FBXL4: variants seen among roughly 807,000 people sequenced by gnomAD.
The protein encoded by FBXL4 is F-box/LRR-repeat protein 4.
Under a neutral mutation model 58.9 loss-of-function variants are expected in FBXL4, and 40 were observed. The observed-to-expected ratio is 0.68, with a 90% CI of 0.53 to 0.88. The LOEUF (loss-of-function observed/expected upper bound fraction) is 0.88. Ranked by LOEUF, FBXL4 falls within the 40% of genes least tolerant of loss-of-function variation. FBXL4 has a pLI of 0.00. For synonymous variants in FBXL4, 263 were observed against 265.5 expected, an observed-to-expected ratio of 0.99 and a Z score of 0.09; for missense variants, 676 against 734.4, an observed-to-expected ratio of 0.92 and a Z score of 0.92.
chr6:98,882,426 G>A (rs1329981189), intron 7 of FBXL4, among the ~76,000 whole-genome samples: 2 of 151,872 alleles, frequency 1.3e-5, no homozygotes, highest in African/African-American at 4.8e-5. Context: ...ATGGTATTAC[G>A]ATGTGAATAT....
chr6:98,900,546 T>G (rs1182785894), intron 6 of FBXL4, among the ~76,000 whole-genome samples: 1 of 152,158 alleles, frequency 6.6e-6, no homozygotes, highest in Non-Finnish European at 1.5e-5. Context: ...TCTACTCAAG[T>G]CTTAGCATTT....
intron 4 of FBXL4, among the ~76,000 whole-genome samples, chr6:98,922,084 C>T (rs1045434265): frequency 2.0e-5 from 3 of 152,152 alleles, no homozygotes; most frequent in South Asian, 2.1e-4. Context: ...CCCGCCACCA[C>T]GCCTGGCTAA....
At chr6:98,913,486 A>G (rs1167907331) in intron 5 of FBXL4, among the ~76,000 whole-genome samples, 7 of 152,228 alleles carry the variant, frequency 4.6e-5, no homozygotes, top group Non-Finnish European at 1.0e-4. Flanking sequence ...CAGTGCAATC[A>G]AACTAGAACT....
At position 98,872,500 on chromosome 6, in the gene FBXL4, T is replaced by C. The variant is rs1217875871; in HGVS notation, c.*1778A>G. The stretch of plus-strand genomic sequence containing the variant: ...ACGAAACATTAACTTTGATCCTCCC[T>C]GTAAATATTTAATTCTTTTCATTAG... On this transcript the variant is annotated 3_prime_UTR_variant, in exon 10 of 10. Transcript: ENST00000369244. 1 of 152,226 alleles carries C rather than the reference T, an allele frequency of 6.6e-6. No homozygotes were observed. The highest frequency in any genetic ancestry group is 2.4e-5 in the African/African-American group (1 of 41,470). The allele number at this position is 152,226 out of a possible 1,614,324, so 9.4% of individuals were successfully genotyped here. A position where few individuals can be genotyped will look rare whatever the true frequency, so the allele number is the denominator to read the frequency against.
In FBXL4 at chr6:98,917,642, T is replaced by G. The variant is rs768342478; in HGVS notation, c.590A>C (p.Gln197Pro). The change falls in exon 5 of 10, where the codon CAG becomes CCG. Residue 197 changes from glutamine to proline, a missense_variant. Gln to Pro is a moderately conservative substitution (Grantham distance 76, BLOSUM62 -1). Transcript: ENST00000369244. ...TATAAGATTTGTGGGGAAATTTATCTGCTTAATACAAGGTTTAAACTGGCG... is the reference window on the plus strand; with the variant it reads ...TATAAGATTTGTGGGGAAATTTATCGGCTTAATACAAGGTTTAAACTGGCG... ...QARQFKPCIKQINFPTNLIRL... is the reference protein window; with the variant it reads ...QARQFKPCIKPINFPTNLIRL... 3.7e-6 allele frequency: 6 copies of G among 1,613,986 alleles called. No individual in the cohort carries two copies. In the South Asian group the frequency reaches 6.6e-5, roughly 18 times the overall value.
In FBXL4 at chr6:98,905,576, A is replaced by T; in HGVS notation, c.953T>A (p.Leu318Gln). The T allele has an allele frequency of 6.2e-7, 1 of 1,613,994 alleles. No individual in the cohort carries two copies. The highest frequency in any genetic ancestry group is 1.7e-5 in the Admixed American group (1 of 59,994). Reference protein sequence around the residue: ...KLLSQHCCDPLQYIHLNLQPY... With the variant: ...KLLSQHCCDPQQYIHLNLQPY... ...TTGCAGATTGAGGTGGATGTATTGC[A>T]GAGGATCACAGCAATGCTGGCTCAG... Residue 318 changes from leucine to glutamine, a missense_variant, in exon 6 of 10, where the codon CTG becomes CAG. Transcript: ENST00000369244.
At chr6:98,945,171 C>T (rs1047694599) in intron 1 of FBXL4, among the ~76,000 whole-genome samples, 1 of 152,088 alleles carries the variant, frequency 6.6e-6, no homozygotes, top group African/African-American at 2.4e-5. Flanking sequence ...AGGAAATGAA[C>T]TAACATGCAA....
intron 6 of FBXL4, among the ~76,000 whole-genome samples, chr6:98,901,547 T>C (rs550306595): frequency 6.6e-6 from 1 of 152,304 alleles, no homozygotes; most frequent in Non-Finnish European, 1.5e-5. Flanking sequence ...ATAAAGTCTA[T>C]ACCTATACTA....
At chr6:98,941,768 A>G (rs547808828) in intron 1 of FBXL4, among the ~76,000 whole-genome samples, 1 of 152,198 alleles carries the variant, frequency 6.6e-6, no homozygotes, top group Non-Finnish European at 1.5e-5. Context: ...ATATGTCTGA[A>G]TAGAATTAAC....
chr6:98,871,246 CT>C lies in FBXL4; in HGVS notation c.*3031del, dbSNP rs58165033. The C allele has an allele frequency of 5.8e-4, 88 of 152,268 alleles. No homozygotes were observed. Among genetic ancestry groups the C allele is most frequent in the African/African-American group, 2.1e-3 (86 of 41,564 alleles). 9.4% of individuals were successfully genotyped at this position (152,268 alleles called of 1,614,324 possible). A position where few individuals can be genotyped will look rare whatever the true frequency, so the allele number is the denominator to read the frequency against. ...GTAAACTTAAGACTATTAAATTAGCCTTTTGGCAAGAATGGTTGCTTAAAGA... is the reference window on the plus strand; with the variant it reads ...GTAAACTTAAGACTATTAAATTAGCCTTTGGCAAGAATGGTTGCTTAAAGA... On this transcript the variant is annotated 3_prime_UTR_variant, in exon 10 of 10. Coordinates refer to ENST00000369244, the MANE Select transcript of FBXL4 (RefSeq NM_001278716.2).
intron 1 of FBXL4, among the ~76,000 whole-genome samples, chr6:98,947,600 AG>A: frequency 6.6e-6 from 1 of 152,088 alleles, no homozygotes; most frequent in Non-Finnish European, 1.5e-5. Flanking sequence ...GCAGTTCTCA[AG>A]GGCCCCAGCA....
intron 5 of FBXL4, among the ~76,000 whole-genome samples, chr6:98,915,356 CA>C (rs1244107505): frequency 6.6e-6 from 1 of 152,118 alleles, no homozygotes; most frequent in African/African-American, 2.4e-5. Context: ...GAGCCCACAT[CA>C]CCAAGTCAAT....
rs1772420357 is a variant in FBXL4, at chr6:98,917,675, G to A, written c.557C>T (p.Ser186Phe). Residue 186 changes from serine (S) to phenylalanine (F), a missense_variant, in exon 5 of 10, where the codon TCC (serine) becomes TTC (phenylalanine). Transcript: ENST00000369244. ...WSERPTKVNA[S>F]QARQFKPCIK... ...ACAAGGTTTAAACTGGCGAGCTTGG[G>A]AAGCATTCACCTTCGTAGGTCTCTC... 1 of 1,612,880 alleles carries A rather than the reference G, an allele frequency of 6.2e-7. No homozygotes were observed. Among genetic ancestry groups the A allele is most frequent in the African/African-American group, 1.3e-5 (1 of 74,868 alleles).
At chr6:98,898,391 G>GT in intron 7 of FBXL4, 1 of 985,406 alleles carries the variant, frequency 1.0e-6, no homozygotes, top group Non-Finnish European at 1.2e-6. Context: ...AGCAGTAATA[G>GT]TAAGTATGTG....
chr6:98,916,108 C>T (rs1185943462), intron 5 of FBXL4, among the ~76,000 whole-genome samples: 1 of 151,958 alleles, frequency 6.6e-6, no homozygotes, highest in African/African-American at 2.4e-5. Context: ...AAATCAAAAC[C>T]ACAATGAGAT....
chr6:98,941,373 G>C (rs1015987384), intron 1 of FBXL4, among the ~76,000 whole-genome samples: 1 of 151,446 alleles, frequency 6.6e-6, no homozygotes, highest in Non-Finnish European at 1.5e-5. Context: ...AAATAGGAAA[G>C]GCAGATAAAT....
intron 1 of FBXL4, among the ~76,000 whole-genome samples, chr6:98,947,421 C>A (rs1031333126): frequency 3.9e-5 from 6 of 152,248 alleles, no homozygotes; most frequent in Non-Finnish European, 8.8e-5. Context: ...GAATCACAAG[C>A]ACAGGCGGGC....
At chr6:98,898,578 C>T in intron 7 of FBXL4, 1 of 946,338 alleles carries the variant, frequency 1.1e-6, no homozygotes, top group Non-Finnish European at 1.3e-6. Flanking sequence ...GCACTCCAGC[C>T]TGGGCAACAG....
chr6:98,896,871 T>C (rs1295008298), intron 7 of FBXL4: 2 of 985,012 alleles, frequency 2.0e-6, no homozygotes, highest in African/African-American at 3.5e-5. Context: ...ATATGAAATC[T>C]TCTTAATCCT....
Sources: gnomAD v4.1 joint callset for allele counts (sites outside exome capture counted in the v4.1 genomes callset) on GRCh38, gnomAD v4.1.1 for gene constraint, MANE v1.5 for transcripts, NCBI Gene and HGNC (gene_info 2026-07-23, HGNC 2026-07-21) for gene names.